The following ATF2 variants were observed in gnomAD, a reference collection of about 807,000 sequenced individuals.
ATF2 encodes the protein cyclic AMP-dependent transcription factor ATF-2.
In ATF2, 24 loss-of-function variants were observed where a neutral mutation model predicts 60.6. The ratio of observed to expected loss-of-function variants is 0.40; its 90% CI spans 0.29 to 0.56. The LOEUF is 0.56. Ranked by LOEUF, ATF2 falls within the 20% of genes least tolerant of loss-of-function variation. The pLI is 0.54. For missense variants in ATF2, 433 were observed against 607.7 expected, an observed-to-expected ratio of 0.71 and a Z score of 3.02; for synonymous variants, 206 against 215.4, an observed-to-expected ratio of 0.96 and a Z score of 0.38.
intron 1 of ATF2, 44 bp from the exon 2 acceptor site, chr2:175,151,202 G>A (rs1035032576): frequency 6.6e-6 from 1 of 152,216 alleles, no homozygotes; most frequent in Non-Finnish European, 1.5e-5. Context: ...TTATTACCAT[G>A]TGGGATCTAA....
At chr2:175,099,965 G>C (rs1356356002) in intron 10 of ATF2, among the ~76,000 whole-genome samples, 1 of 152,196 alleles carries the variant, frequency 6.6e-6, no homozygotes, top group East Asian at 1.9e-4. Flanking sequence ...ACCTGTTACT[G>C]CAACTGCTAA....
chr2:175,111,006 AT>A (rs1248631602), intron 10 of ATF2, among the ~76,000 whole-genome samples: 2 of 152,198 alleles, frequency 1.3e-5, no homozygotes, highest in Non-Finnish European at 2.9e-5. Flanking sequence ...CCAAAGCTTA[AT>A]CTTTTTATTT....
chr2:175,115,205 C>T (rs544344052), intron 7 of ATF2, among the ~76,000 whole-genome samples: 2 of 151,914 alleles, frequency 1.3e-5, no homozygotes, highest in South Asian at 4.2e-4. Flanking sequence ...CAGAGAATCA[C>T]AGAACTTAAA....
At chr2:175,114,560 C>A in intron 8 of ATF2, 130 bp downstream of exon 8, 1 of 1,408,180 alleles carries the variant, frequency 7.1e-7, no homozygotes, top group Non-Finnish European at 9.3e-7. Context: ...AGTACTTTTT[C>A]CAAAATTCGA....
intron 12 of ATF2, among the ~76,000 whole-genome samples, chr2:175,085,572 AC>A (rs2105558961): frequency 1.4e-5 from 2 of 147,346 alleles, no homozygotes; most frequent in Admixed American, 1.3e-4. Flanking sequence ...ACACACACAC[AC>A]ACACACACAC....
chr2:175,111,780 T>G (rs1302990384), intron 9 of ATF2, 126 bp from the exon 10 acceptor site: 3 of 777,622 alleles, frequency 3.9e-6, no homozygotes, highest in Admixed American at 2.8e-5. Context: ...ACCAGCTGAT[T>G]TTATCTCTAT....
chr2:175,111,475 T>G, intron 10 of ATF2, 93 bp downstream of exon 10: 1 of 1,126,348 alleles, frequency 8.9e-7, no homozygotes, highest in South Asian at 1.6e-5. Flanking sequence ...TATAAAAATG[T>G]GATCTAAATT....
intron 2 of ATF2, among the ~76,000 whole-genome samples, chr2:175,144,218 C>T (rs547923027): frequency 2.0e-4 from 31 of 152,184 alleles, no homozygotes; most frequent in African/African-American, 7.5e-4. Context: ...CTAATATAGT[C>T]CTAACTATTC....
rs56804408 is a variant in ATF2, at chr2:175,085,553, TACACACACACACACACACACAC to T, written c.1186-4810_1186-4789del. The stretch of plus-strand genomic sequence containing the variant: ...AAAATAAATAAATAAATACATAACA[TACACACACACACACACACACAC>T]ACACACACACACACACACACACAAA... On this transcript the variant is annotated intron_variant, in intron 12 of 13. Coordinates refer to ENST00000264110, the MANE Select transcript of ATF2 (RefSeq NM_001880.4). Among the ~76,000 whole-genome samples, 6 of 141,328 alleles carry T rather than the reference TACACACACACACACACACACAC, an allele frequency of 4.2e-5. No homozygotes were observed. The East Asian group carries it at 6.2e-4, about 15-fold the overall frequency. 92.7% of individuals were successfully genotyped at this position (141,328 alleles called of 152,430 possible).
intron 10 of ATF2, among the ~76,000 whole-genome samples, chr2:175,099,222 G>C (rs980385705): frequency 2.0e-5 from 3 of 150,148 alleles, no homozygotes; most frequent in Admixed American, 6.7e-5. Flanking sequence ...TCCTGCCTTA[G>C]CCTCCTGAGG....
chr2:175,126,598 T>A (rs1044445042), intron 4 of ATF2, among the ~76,000 whole-genome samples: 1 of 152,194 alleles, frequency 6.6e-6, no homozygotes, highest in African/African-American at 2.4e-5. Flanking sequence ...ATGATACACA[T>A]ACACACACAA....
chr2:175,089,192 A>AC (rs397873613), intron 12 of ATF2, among the ~76,000 whole-genome samples: 13 of 151,432 alleles, frequency 8.6e-5, no homozygotes, highest in Non-Finnish European at 1.5e-4. Context: ...AAAAAAAAAA[A>AC]CAATAATTTA....
chr2:175,107,900 G>T (rs774895786), intron 10 of ATF2, among the ~76,000 whole-genome samples: 1 of 152,044 alleles, frequency 6.6e-6, no homozygotes, highest in Non-Finnish European at 1.5e-5. Context: ...GTGCAGTGGC[G>T]TGATCTCGGC....
chr2:175,093,537 T>TA (rs978363016), intron 11 of ATF2, among the ~76,000 whole-genome samples: 14 of 152,158 alleles, frequency 9.2e-5, no homozygotes, highest in Non-Finnish European at 2.1e-4. Context: ...TACATACAAA[T>TA]ATGAAAAAAT....
chr2:175,100,517 A>T (rs1012231200), intron 10 of ATF2, among the ~76,000 whole-genome samples: 1 of 152,238 alleles, frequency 6.6e-6, no homozygotes, highest in African/African-American at 2.4e-5. Flanking sequence ...TTAGGAATAA[A>T]TAGTAACTTC....
chr2:175,097,312 T>A, intron 11 of ATF2, 132 bp downstream of exon 11: 5 of 1,294,638 alleles, frequency 3.9e-6, no homozygotes, highest in Non-Finnish European at 4.2e-6. Flanking sequence ...AGCTACCTTT[T>A]CCTGAGGCTT....
At chr2:175,075,119 G>GAC in intron 13 of ATF2, 4 of 1,167,430 alleles carry the variant, frequency 3.4e-6, no homozygotes, top group Non-Finnish European at 4.4e-6. Context: ...AAATGAGGGA[G>GAC]AGTTTGGAAG....
chr2:175,143,010 T>C (rs1302032375), intron 2 of ATF2, among the ~76,000 whole-genome samples: 1 of 152,138 alleles, frequency 6.6e-6, no homozygotes, highest in Non-Finnish European at 1.5e-5. Context: ...CTACCATGCC[T>C]GACTAAAAGC....
chr2:175,102,528 T>C (rs1182082658), intron 10 of ATF2, among the ~76,000 whole-genome samples: 1 of 152,162 alleles, frequency 6.6e-6, no homozygotes, highest in Non-Finnish European at 1.5e-5. Flanking sequence ...TCTCAGCACT[T>C]TGGGAGGCCA....
Sources: allele counts gnomAD v4.1 joint callset (sites outside exome capture counted in the v4.1 genomes callset), GRCh38; gene constraint gnomAD v4.1.1; transcripts MANE v1.5; gene names NCBI Gene and HGNC (gene_info 2026-07-23, HGNC 2026-07-21).